The following MCTP1 variants were observed in gnomAD, a reference collection of about 807,000 sequenced individuals.
MCTP1 encodes the protein multiple C2 and transmembrane domain-containing protein 1.
In MCTP1, 69 loss-of-function variants were observed where a neutral mutation model predicts 120.6. That is an observed-to-expected ratio of 0.57 (90% confidence interval 0.47 to 0.70). The LOEUF is 0.70. Ranked by LOEUF, MCTP1 falls within the 30% of genes least tolerant of loss-of-function variation. MCTP1 has a pLI of 0.00. For missense variants in MCTP1, 1,203 were observed against 1,248.8 expected (o/e 0.96, Z 0.55); for synonymous variants, 529 against 493.1 (o/e 1.07, Z -0.96).
chr5:95,237,529 G>A (rs1755687202), intron 1 of MCTP1, among the ~76,000 whole-genome samples: 1 of 152,082 alleles, frequency 6.6e-6, no homozygotes, highest in Non-Finnish European at 1.5e-5. Flanking sequence ...GCTACTTGCT[G>A]CCTCCCTCAG....
In MCTP1 at chr5:94,894,752, A is replaced by T; in HGVS notation, c.1736T>A (p.Val579Glu). 6.2e-7 allele frequency: 1 copy of T among 1,613,726 alleles called. No homozygotes were observed. Residue 579 changes from valine to glutamate, a missense_variant, in exon 11 of 23, where the codon GTG becomes GAG. Transcript: ENST00000515393. ...TGATGCTGTCAGAGTGACCAGCAGC[A>T]CCAGGTGTCCCTCACCCTCTTCCAG... ...LQLEEGEGHLVLLVTLTASAT... is the reference protein window; with the variant it reads ...LQLEEGEGHLELLVTLTASAT...
intron 2 of MCTP1, among the ~76,000 whole-genome samples, chr5:94,954,192 A>ACATG (rs1419329025): frequency 4.5e-5 from 6 of 134,006 alleles, no homozygotes; most frequent in Admixed American, 7.8e-5. Context: ...GCATATATAT[A>ACATG]TATATATATA....
intron 19 of MCTP1, among the ~76,000 whole-genome samples, chr5:94,752,062 A>C (rs1768498212): frequency 7.0e-6 from 1 of 142,280 alleles, no homozygotes; most frequent in Admixed American, 7.5e-5. Context: ...TACATATGTA[A>C]CTAACCTGCA....
chr5:94,929,090 T>C (rs1813883625), intron 6 of MCTP1, among the ~76,000 whole-genome samples: 1 of 152,156 alleles, frequency 6.6e-6, no homozygotes, highest in Non-Finnish European at 1.5e-5. Flanking sequence ...GGAAATTCCA[T>C]GAGCTGATTC....
intron 17 of MCTP1, among the ~76,000 whole-genome samples, chr5:94,815,230 A>G (rs964292755): frequency 6.6e-6 from 1 of 152,184 alleles, no homozygotes; most frequent in Admixed American, 6.5e-5. Context: ...CACTTCCAAA[A>G]TTCTAGGATA....
chr5:94,838,447 A>T (rs62365731), intron 17 of MCTP1, among the ~76,000 whole-genome samples: 5,700 of 152,332 alleles, frequency 0.037, 147 homozygotes, highest in Non-Finnish European at 0.055. Flanking sequence ...TGTGGGAGAC[A>T]TGTAGAACCA....
chr5:94,848,738 A>G (rs1192924391), intron 17 of MCTP1, among the ~76,000 whole-genome samples: 1 of 152,004 alleles, frequency 6.6e-6, no homozygotes, highest in Non-Finnish European at 1.5e-5. Flanking sequence ...AATAAGATGC[A>G]CTGTATTGCT....
At chr5:94,935,814 A>T (rs1030746721) in intron 5 of MCTP1, among the ~76,000 whole-genome samples, 7 of 152,038 alleles carry the variant, frequency 4.6e-5, no homozygotes, top group African/African-American at 1.7e-4. Context: ...TGAAGCATTC[A>T]GTAACTGATT....
chr5:95,183,651 C>T (rs916498256), intron 1 of MCTP1, among the ~76,000 whole-genome samples: 1 of 151,794 alleles, frequency 6.6e-6, no homozygotes, highest in African/African-American at 2.4e-5. Flanking sequence ...AATAAACATG[C>T]AAACAAGCAA....
chr5:94,760,612 T>C (rs536562547), intron 19 of MCTP1, among the ~76,000 whole-genome samples: 44 of 152,150 alleles, frequency 2.9e-4, no homozygotes, highest in Admixed American at 2.6e-3. Flanking sequence ...ATGCTACCTA[T>C]GTACAGCAGA....
intron 2 of MCTP1, among the ~76,000 whole-genome samples, chr5:94,954,108 A>G (rs1321060081): frequency 1.8e-5 from 2 of 112,088 alleles, no homozygotes; most frequent in African/African-American, 3.7e-5. Context: ...ATATACATAT[A>G]TATGAATATA....
chr5:95,272,034 T>C (rs13354047), intron 1 of MCTP1, among the ~76,000 whole-genome samples: 44 of 152,174 alleles, frequency 2.9e-4, no homozygotes, highest in Non-Finnish European at 4.7e-4. Flanking sequence ...ACTATTAAAG[T>C]GGATGATTAA....
intron 11 of MCTP1, among the ~76,000 whole-genome samples, chr5:94,889,516 G>A (rs907683026): frequency 2.0e-5 from 3 of 152,134 alleles, no homozygotes; most frequent in Non-Finnish European, 4.4e-5. Context: ...TTGAACCCGG[G>A]AGGCAGAGGT....
chr5:94,943,367 T>A (rs1160872287), intron 3 of MCTP1, among the ~76,000 whole-genome samples: 2 of 151,840 alleles, frequency 1.3e-5, no homozygotes, highest in Non-Finnish European at 2.9e-5. Flanking sequence ...CACACATCAG[T>A]TGTGATCAGC....
At chr5:94,902,151 G>T (rs1463203151) in intron 10 of MCTP1, among the ~76,000 whole-genome samples, 1 of 152,014 alleles carries the variant, frequency 6.6e-6, no homozygotes, top group African/African-American at 2.4e-5. Flanking sequence ...TGGACAATTG[G>T]CTTTAAAAGA....
intron 1 of MCTP1, among the ~76,000 whole-genome samples, chr5:95,169,001 T>G (rs1366577047): frequency 6.6e-6 from 1 of 152,150 alleles, no homozygotes; most frequent in Non-Finnish European, 1.5e-5. Context: ...TGCTTCCAGT[T>G]TTTGCCCATT....
At chr5:94,903,348 T>C (rs931349646) in intron 10 of MCTP1, among the ~76,000 whole-genome samples, 2 of 152,206 alleles carry the variant, frequency 1.3e-5, no homozygotes, top group African/African-American at 2.4e-5. Context: ...GAGTGTCAAA[T>C]GCTCAAATGT....
At chr5:94,819,590 T>C (rs1785214472) in intron 17 of MCTP1, among the ~76,000 whole-genome samples, 3 of 152,244 alleles carry the variant, frequency 2.0e-5, no homozygotes, top group South Asian at 4.1e-4. Context: ...AGTGTTCATC[T>C]ATGTCAATTC....
intron 1 of MCTP1, among the ~76,000 whole-genome samples, chr5:95,160,999 T>A (rs964436743): frequency 6.6e-6 from 1 of 152,158 alleles, no homozygotes; most frequent in African/African-American, 2.4e-5. Flanking sequence ...GCTGGGATGA[T>A]AAACTAACAC....
Sources: allele counts gnomAD v4.1 joint callset (sites outside exome capture counted in the v4.1 genomes callset), GRCh38; gene constraint gnomAD v4.1.1; transcripts MANE v1.5; gene names NCBI Gene and HGNC (gene_info 2026-07-23, HGNC 2026-07-21).